ADGRE2: variants seen among roughly 807,000 people sequenced by gnomAD.
ADGRE2 encodes adhesion G protein-coupled receptor E2.
A neutral mutation model predicts 100.8 loss-of-function variants in ADGRE2; 83 were observed. The observed-to-expected ratio is 0.82, with a 90% CI of 0.69 to 0.99. ADGRE2 has a LOEUF of 0.99. Ranked by LOEUF, ADGRE2 falls within the 50% of genes least tolerant of loss-of-function variation. The probability of loss-of-function intolerance (pLI) is 0.00; values close to 1 mark genes in which losing one functional copy is unlikely to be tolerated. For synonymous variants in ADGRE2, 355 were observed against 413.0 expected (o/e 0.86, Z 1.70); for missense variants, 814 against 1,035.7 (o/e 0.79, Z 2.94).
intron 4 of ADGRE2, among the ~76,000 whole-genome samples, chr19:14,773,111 G>C (rs868479167): frequency 2.0e-5 from 2 of 97,626 alleles, no homozygotes; most frequent in Non-Finnish European, 4.2e-5. Context: ...AAAAAAAAAA[G>C]AAAAAAGAAA....
At chr19:14,771,460 T>C (rs1021121720) in intron 5 of ADGRE2, among the ~76,000 whole-genome samples, 3 of 151,970 alleles carry the variant, frequency 2.0e-5, no homozygotes, top group Non-Finnish European at 4.4e-5. Flanking sequence ...GAGTGATGCA[T>C]GGGGGCCTGG....
chr19:14,736,311 G>C, intron 20 of ADGRE2, 67 bp from the exon 21 acceptor site: 1 of 1,074,654 alleles, frequency 9.3e-7, no homozygotes, highest in Non-Finnish European at 1.4e-6. Context: ...GCCTGGGCTG[G>C]AGTGCAATGG....
intron 11 of ADGRE2, among the ~76,000 whole-genome samples, chr19:14,761,361 G>A (rs758360447): frequency 3.3e-5 from 5 of 152,046 alleles, no homozygotes; most frequent in African/African-American, 4.8e-5. Context: ...AGCCAGGATC[G>A]CACCACTGCA....
chr19:14,776,819 G>A lies in ADGRE2; in HGVS notation c.-63C>T. 1.2e-6 allele frequency: 2 copies of A among 1,605,296 alleles called. No individual in the cohort carries two copies. Among genetic ancestry groups the A allele is most frequent in the Non-Finnish European group, 1.7e-6 (2 of 1,176,078 alleles). ...AGAGTGAGTGGGACAGGGCTGTCCC[G>A]TCTCCGCAGGCTGGGCAGCTGTGCG... On this transcript the variant is annotated 5_prime_UTR_variant, in exon 2 of 21. The change creates a new upstream start codon in the 5' untranslated region. Transcript: ENST00000315576.
rs139053178 is a variant in ADGRE2 at position 14,764,877 on chromosome 19, C to T, written c.907-267G>A. On this transcript the variant is annotated intron_variant, in intron 10 of 20. Coordinates refer to ENST00000315576, the MANE Select transcript of ADGRE2 (RefSeq NM_013447.4). ...ACTAAAAATACAAAAATTAGCCGGG[C>T]GTGGTGGCGTGTGCCTGTAATCCTA... Among the ~76,000 whole-genome samples, 19 of 152,186 alleles carry T rather than the reference C, an allele frequency of 1.2e-4. No homozygotes were observed. The East Asian group carries it at 3.3e-3, about 26-fold the overall frequency.
intron 1 of ADGRE2, chr19:14,777,222 A>C: frequency 2.6e-6 from 1 of 383,030 alleles, no homozygotes; most frequent in Non-Finnish European, 3.6e-6. Context: ...CTTGTCAGAA[A>C]TAGCTCTGGG....
At chr19:14,727,114 G>A in the ADGRE2 span, among the ~76,000 whole-genome samples, 2 of 130,590 alleles carry the variant, frequency 1.5e-5, no homozygotes, top group African/African-American at 2.9e-5. Flanking sequence ...TACAAGCTCC[G>A]CCTCCTGGGT....
At position 14,743,551 on chromosome 19, in the gene ADGRE2, C is replaced by G. The variant is rs372260800; in HGVS notation, c.2353-21G>C. 475 of 1,613,622 alleles carry G rather than the reference C, an allele frequency of 2.9e-4. 2 individuals are homozygous for G. The highest frequency in any genetic ancestry group is 3.9e-4 in the Non-Finnish European group (463 of 1,179,632). On this transcript the variant is annotated intron_variant, in intron 19 of 20. Coordinates refer to ENST00000315576, the MANE Select transcript of ADGRE2 (RefSeq NM_013447.4). ...CGGACCTGCAGAGGCAAAGTGTGTACTGGGTCAGCTCACAGAGAGCAGTGA... is the reference window on the plus strand; with the variant it reads ...CGGACCTGCAGAGGCAAAGTGTGTAGTGGGTCAGCTCACAGAGAGCAGTGA...
downstream of ADGRE2, chr19:14,731,288 A>G: frequency 8.5e-7 from 1 of 1,170,314 alleles, no homozygotes; most frequent in Non-Finnish European, 1.2e-6. Context: ...AAGACTCCAA[A>G]TCTGCAGATT....
intron 5 of ADGRE2, among the ~76,000 whole-genome samples, chr19:14,769,930 C>A (rs892509664): frequency 2.6e-5 from 4 of 152,248 alleles, no homozygotes; most frequent in Middle Eastern, 3.4e-3. Flanking sequence ...GATCTCCTGA[C>A]CTTGTGATCC....
At chr19:14,738,588 G>C (rs1170926523) in intron 20 of ADGRE2, among the ~76,000 whole-genome samples, 1 of 152,106 alleles carries the variant, frequency 6.6e-6, no homozygotes. Context: ...ATGTTACCCA[G>C]GCTGGTCTTG....
chr19:14,776,774 C>T lies in ADGRE2; in HGVS notation c.-18G>A, dbSNP rs2044459134. 1.2e-6 allele frequency: 2 copies of T among 1,612,914 alleles called. No individual in the cohort carries two copies. Among genetic ancestry groups the T allele is most frequent in the Non-Finnish European group, 8.5e-7 (1 of 1,179,630 alleles). On this transcript the variant is annotated 5_prime_UTR_variant, in exon 2 of 21. Coordinates refer to ENST00000315576, the MANE Select transcript of ADGRE2 (RefSeq NM_013447.4). ...CCTCCCATGGTTCCAGCTGAGCTGC[C>T]GGCAGGAGCAGCAGGGGAAAGAGTG... is the stretch of plus-strand genomic sequence containing the variant.
At position 14,771,630 on chromosome 19, in the gene ADGRE2, T is replaced by TTATTTA. The variant is rs1273449369; in HGVS notation, c.355+706_355+711dup. On this transcript the variant is annotated intron_variant, in intron 5 of 20. Transcript: ENST00000315576. ...TAAAAGGCATCCATTGCTTATTTAT[T>TTATTTA]TATTTATTTATTTATTTATTTATTT... 1.8e-3 allele frequency among the ~76,000 whole-genome samples: 239 copies of TTATTTA among 135,254 alleles called. 1 individual carries two copies. Among genetic ancestry groups the TTATTTA allele is most frequent in the African/African-American group, 7.0e-3 (227 of 32,208 alleles). The allele number at this position is 135,254 out of a possible 152,430, so 88.7% of individuals were successfully genotyped here.
intron 14 of ADGRE2, among the ~76,000 whole-genome samples, chr19:14,754,283 A>C (rs1221738269): frequency 6.7e-6 from 1 of 149,986 alleles, no homozygotes; most frequent in Admixed American, 6.7e-5. Context: ...CCCTTTATAT[A>C]TATCTATATC....
At position 14,736,809 on chromosome 19, in the gene ADGRE2, G is replaced by T. The variant is rs57325786; in HGVS notation, c.2464-565C>A. Among the ~76,000 whole-genome samples, 53 of 75,194 alleles carry T rather than the reference G, an allele frequency of 7.0e-4. 1 individual carries two copies. The highest frequency in any genetic ancestry group is 4.5e-3 in the East Asian group (11 of 2,448). The allele number at this position is 75,194 out of a possible 152,430, so 49.3% of individuals were successfully genotyped here. On this transcript the variant is annotated intron_variant, in intron 20 of 20. Transcript: ENST00000315576. The stretch of plus-strand genomic sequence containing the variant: ...AAGTATAGATATTTAGAAATATATA[G>T]ATATTTAGAAATATATAGATATTTA...
chr19:14,731,106 T>C (rs375636858), downstream of ADGRE2: 19 of 1,301,400 alleles, frequency 1.5e-5, 1 homozygote, highest in South Asian at 1.3e-4. Context: ...CCCCCAAGGA[T>C]TGGCCCCTTT....
chr19:14,772,993 C>T (rs1003464652), intron 4 of ADGRE2, among the ~76,000 whole-genome samples: 6 of 140,912 alleles, frequency 4.3e-5, no homozygotes, highest in African/African-American at 1.3e-4. Context: ...GCAGAAGAAT[C>T]GCTTGAACCT....
At position 14,743,619 on chromosome 19, in the gene ADGRE2, C is replaced by G. The variant is rs138334964; in HGVS notation, c.2349G>C (p.Gln783His). The part of the protein sequence containing the change: ...FIFLVYCLLS[Q>H]QVREQYGKWS... ...GGTGGGAGCTGGGCAGTGGTACCTGCTGGCTGAGGAGGCAGTACACCAGGA... is the reference window on the plus strand; with the variant it reads ...GGTGGGAGCTGGGCAGTGGTACCTGGTGGCTGAGGAGGCAGTACACCAGGA... The change falls in exon 19 of 21, where the codon CAG (glutamine) becomes CAC (histidine). Residue 783 changes from glutamine (Q) to histidine (H), a missense_variant. By Grantham distance (24) the Gln-to-His change is conservative (BLOSUM62 0). Around this residue, in one of 5 missense-constraint regions of ADGRE2, gnomAD observed 569 missense variants for 692.7 expected, o/e 0.82. Coordinates refer to ENST00000315576, the MANE Select transcript of ADGRE2 (RefSeq NM_013447.4). The G allele has an allele frequency of 1.2e-5, 20 of 1,613,972 alleles. No individual in the cohort carries two copies. The African/African-American group carries it at 2.7e-4, about 22-fold the overall frequency.
chr19:14,774,125 A>G, intron 3 of ADGRE2, 71 bp from the exon 4 acceptor site: 11 of 1,520,704 alleles, frequency 7.2e-6, no homozygotes, highest in Non-Finnish European at 1.0e-5. Flanking sequence ...ACTGGGGGAG[A>G]TGGGGCAGAG....
Sources: gnomAD v4.1 joint callset for allele counts (sites outside exome capture counted in the v4.1 genomes callset) on GRCh38, gnomAD v4.1.1 for gene constraint, gnomAD v4.1.1 regional missense constraint, MANE v1.5 for transcripts, NCBI Gene and HGNC (gene_info 2026-07-23, HGNC 2026-07-21) for gene names.